LCORL: variants seen among roughly 807,000 people sequenced by gnomAD.
LCORL encodes ligand-dependent nuclear receptor corepressor-like protein.
LCORL carries 41 observed loss-of-function variants against 141.8 expected under a neutral mutation model. The observed-to-expected ratio is 0.29, with a 90% CI of 0.23 to 0.38. LCORL has a LOEUF of 0.38. Ranked by LOEUF, LCORL falls within the 10% of genes least tolerant of loss-of-function variation. LCORL has a pLI of 1.00. For missense variants in LCORL, 1,759 were observed against 2,035.0 expected, an observed-to-expected ratio of 0.86 and a Z score of 2.61; for synonymous variants, 618 against 694.1, an observed-to-expected ratio of 0.89 and a Z score of 1.72.
intron 1 of LCORL, among the ~76,000 whole-genome samples, chr4:18,007,811 G>A (rs1723062947): frequency 6.6e-6 from 1 of 152,138 alleles, no homozygotes; most frequent in South Asian, 2.1e-4. Flanking sequence ...GGCTCAGACT[G>A]TTAAGAGTGA....
chr4:18,010,182 T>C (rs1409663389), intron 1 of LCORL, among the ~76,000 whole-genome samples: 2 of 152,166 alleles, frequency 1.3e-5, no homozygotes, highest in African/African-American at 4.8e-5. Flanking sequence ...AAAAAGTTAA[T>C]TGAAAATTAT....
At chr4:17,882,101 T>C in intron 6 of LCORL, 1 of 984,478 alleles carries the variant, frequency 1.0e-6, no homozygotes, top group South Asian at 4.7e-5. Context: ...CACTCTTCAG[T>C]TTCTTTAAAC....
At chr4:17,970,487 G>C (rs1234215356) in intron 2 of LCORL, among the ~76,000 whole-genome samples, 1 of 152,158 alleles carries the variant, frequency 6.6e-6, no homozygotes. Flanking sequence ...GAATACACAA[G>C]GTAGTATTTC....
chr4:17,890,205 T>C lies in LCORL; in HGVS notation c.683-4044A>G, dbSNP rs1389241379. Among the ~76,000 whole-genome samples, 16 of 152,232 alleles carry C rather than the reference T, an allele frequency of 1.1e-4. No individual in the cohort carries two copies. The South Asian group carries it at 2.7e-3, about 26-fold the overall frequency. On this transcript the variant is annotated intron_variant, in intron 5 of 7. Coordinates refer to ENST00000635767, the Ensembl canonical transcript of LCORL. ...ATAAACTATCAGAAGTGCTGAACAA[T>C]AGATATTACCAAATTTATTTCCCAC...
rs1004781566 is a variant in LCORL, at chr4:18,021,263, G to GGACGGCGGGC, written c.154+325_154+334dup. Among the ~76,000 whole-genome samples the GGACGGCGGGC allele has an allele frequency of 7.9e-5, 12 of 152,276 alleles. No homozygotes were observed. Among genetic ancestry groups the GGACGGCGGGC allele is most frequent in the Admixed American group, 2.6e-4 (4 of 15,304 alleles). The stretch of plus-strand genomic sequence containing the variant: ...GCCGCTTCCTCCGTCCTGTCAGGGT[G>GGACGGCGGGC]GACGGCGGGCGACGGCGGGCAGCGA... On this transcript the variant is annotated intron_variant, in intron 1 of 7. Coordinates refer to ENST00000635767, the Ensembl canonical transcript of LCORL. The surrounding 1 kb of genome is among the most constrained non-coding windows in gnomAD (Gnocchi z 5.5).
chr4:17,992,189 G>T (rs932350001), intron 1 of LCORL, among the ~76,000 whole-genome samples: 1 of 152,156 alleles, frequency 6.6e-6, no homozygotes, highest in Non-Finnish European at 1.5e-5. Context: ...AATAACTTAC[G>T]ATCATGGTGG....
intron 4 of LCORL, among the ~76,000 whole-genome samples, chr4:17,924,782 G>T (rs754203577): frequency 9.9e-4 from 150 of 152,214 alleles, no homozygotes; most frequent in Non-Finnish European, 1.2e-4. Flanking sequence ...CCATCATCAT[G>T]AAGTAGCTGG....
At chr4:17,876,561 G>A (rs1726944999) in exon 7 of LCORL, 2 of 1,230,642 alleles carry the variant, frequency 1.6e-6, no homozygotes, top group Admixed American at 4.2e-5. Flanking sequence ...ATTTTTCACT[G>A]GATCGTTTTT....
intron 1 of LCORL, among the ~76,000 whole-genome samples, chr4:18,003,717 A>G (rs779491036): frequency 3.9e-5 from 6 of 152,226 alleles, no homozygotes; most frequent in Non-Finnish European, 8.8e-5. Context: ...TGTAATCACT[A>G]TATGTCAAAG....
chr4:17,879,822 T>C (rs1293072558), intron 6 of LCORL, among the ~76,000 whole-genome samples: 1 of 151,094 alleles, frequency 6.6e-6, no homozygotes, highest in African/African-American at 2.4e-5. Flanking sequence ...AGAATTTACA[T>C]GTTTCTTGGA....
At chr4:17,846,699 G>A (rs1328878618) in intron 7 of LCORL, among the ~76,000 whole-genome samples, 1 of 152,126 alleles carries the variant, frequency 6.6e-6, no homozygotes, top group Non-Finnish European at 1.5e-5. Flanking sequence ...GTTCTGGACT[G>A]GTGTCTTATT....
intron 5 of LCORL, among the ~76,000 whole-genome samples, chr4:17,898,003 T>G (rs2109282900): frequency 6.6e-6 from 1 of 152,326 alleles, no homozygotes; most frequent in Non-Finnish European, 1.5e-5. Context: ...TGGTTTGCAC[T>G]GCGTTTCCAA....
At chr4:17,937,256 C>T (rs1737017773) in intron 4 of LCORL, among the ~76,000 whole-genome samples, 1 of 152,072 alleles carries the variant, frequency 6.6e-6, no homozygotes, top group African/African-American at 2.4e-5. Context: ...TTGTAATATG[C>T]TTCCACTGCT....
intron 7 of LCORL, among the ~76,000 whole-genome samples, chr4:17,850,235 T>A (rs1164093947): frequency 1.2e-4 from 17 of 143,736 alleles, no homozygotes; most frequent in African/African-American, 4.5e-4. Flanking sequence ...GGACTTCATG[T>A]CTAAAACACC....
intron 7 of LCORL, among the ~76,000 whole-genome samples, chr4:17,861,471 G>C (rs1244059841): frequency 6.6e-6 from 1 of 152,200 alleles, no homozygotes; most frequent in African/African-American, 2.4e-5. Context: ...CCTGGGCCTG[G>C]CTCATGAAAT....
At chr4:17,859,358 G>A (rs764816450) in intron 7 of LCORL, among the ~76,000 whole-genome samples, 2 of 152,170 alleles carry the variant, frequency 1.3e-5, no homozygotes, top group African/African-American at 2.4e-5. Flanking sequence ...ATCATAAGTT[G>A]AGGAGCATCA....
intron 1 of LCORL, among the ~76,000 whole-genome samples, chr4:17,981,992 A>G (rs530247193): frequency 2.6e-5 from 4 of 151,420 alleles, no homozygotes; most frequent in African/African-American, 9.7e-5. Flanking sequence ...ATGGTATTTG[A>G]TTTTCTATTC....
intron 6 of LCORL, chr4:17,880,853 T>C (rs1727473050): frequency 1.2e-6 from 1 of 856,090 alleles, no homozygotes; most frequent in African/African-American, 1.8e-5. Context: ...TAATAAATAA[T>C]TCATGAATTA....
intron 7 of LCORL, among the ~76,000 whole-genome samples, chr4:17,865,717 C>T (rs1056498110): frequency 1.3e-5 from 2 of 152,122 alleles, no homozygotes; most frequent in African/African-American, 2.4e-5. Flanking sequence ...AGTGTACTTC[C>T]AGGTCCAGAA....
Sources: gnomAD v4.1 joint callset for allele counts (sites outside exome capture counted in the v4.1 genomes callset) on GRCh38, gnomAD v4.1.1 for gene constraint, Gnocchi (gnomAD v3.1) non-coding constraint, MANE v1.5 for transcripts, NCBI Gene and HGNC (gene_info 2026-07-23, HGNC 2026-07-21) for gene names.